ZSWIM5: variants seen among roughly 807,000 people sequenced by gnomAD.
ZSWIM5 encodes zinc finger SWIM-type containing 5.
ZSWIM5 carries 55 observed loss-of-function variants against 119.6 expected under a neutral mutation model. The observed-to-expected ratio is 0.46, with a 90% confidence interval of 0.37 to 0.58. The LOEUF (loss-of-function observed/expected upper bound fraction) is 0.58. Among genes scored for constraint, ZSWIM5 ranks in the 20% least tolerant of loss-of-function variants. ZSWIM5 has a pLI of 0.00. For synonymous variants in ZSWIM5, 537 were observed against 606.9 expected (o/e 0.88, Z 1.69); for missense variants, 1,193 against 1,512.8 (o/e 0.79, Z 3.51).
rs1553204386 is a variant in ZSWIM5 at position 45,205,950 on chromosome 1, G to A, written c.401C>T (p.Pro134Leu). The part of the protein sequence containing the change: ...GAAGGAAGAS[P>L]AEEGPQPPPG... ...GGGTGGCTGCGGCCCCTCCTCGGCC[G>A]GCGAAGCCCCCGCGGCGCCGCCAGC... The change falls in exon 1 of 14, where the codon CCG becomes CTG. Residue 134 changes from proline to leucine, a missense_variant. Physicochemically the swap from Pro to Leu is moderately conservative, Grantham distance 98 (BLOSUM62 -3). Coordinates refer to ENST00000359600, the MANE Select transcript of ZSWIM5 (RefSeq NM_020883.2). 11 of 1,277,922 alleles carry A rather than the reference G, an allele frequency of 8.6e-6. No homozygotes were observed. Among genetic ancestry groups the A allele is most frequent in the Non-Finnish European group, 1.1e-5 (11 of 1,011,220 alleles). The allele number at this position is 1,277,922 out of a possible 1,614,324, so 79.2% of individuals were successfully genotyped here. A position where few individuals can be genotyped will look rare whatever the true frequency, so the allele number is the denominator to read the frequency against.
chr1:45,121,584 A>G (rs2149027717), intron 1 of ZSWIM5, among the ~76,000 whole-genome samples: 1 of 140,944 alleles, frequency 7.1e-6, no homozygotes, highest in Non-Finnish European at 1.5e-5. Context: ...ATAGATAGGA[A>G]TCTTTTTTTT....
intron 1 of ZSWIM5, among the ~76,000 whole-genome samples, chr1:45,142,197 T>C (rs1193259830): frequency 6.6e-6 from 1 of 152,114 alleles, no homozygotes; most frequent in African/African-American, 2.4e-5. Flanking sequence ...GGTGACAAAG[T>C]GAGGCCCTGT....
At chr1:45,132,193 A>G (rs1645661505) in intron 1 of ZSWIM5, among the ~76,000 whole-genome samples, 1 of 151,982 alleles carries the variant, frequency 6.6e-6, no homozygotes, top group Non-Finnish European at 1.5e-5. Context: ...CATGTTGTAT[A>G]CATTAAATTT....
rs1644876303 is a variant in ZSWIM5 at position 45,019,878 on chromosome 1, G to T, written c.2695+188C>A. 1.3e-5 allele frequency among the ~76,000 whole-genome samples: 2 copies of T among 152,202 alleles called. No individual in the cohort carries two copies. Among genetic ancestry groups the T allele is most frequent in the African/African-American group, 4.8e-5 (2 of 41,444 alleles). On this transcript the variant is annotated intron_variant, in intron 13 of 13. Coordinates refer to ENST00000359600, the MANE Select transcript of ZSWIM5 (RefSeq NM_020883.2). The surrounding 1 kb of genome is among the most constrained non-coding windows in gnomAD (Gnocchi z 5.0). ...ATCAGGATATGGTTCAAGCAGTGAA[G>T]ACAGGGCTTGGGCTGGCTGAACAGA...
chr1:45,058,733 A>G lies in ZSWIM5; in HGVS notation c.1128T>C (p.Asp376=). ...AKVREMLRMR[D]SNGARMLTLI... ...GTGTCAGCATCCTTGCTCCATTGGAATCTCTCATCCGCAGCATTTCTCGAA... is the reference window on the plus strand; with the variant it reads ...GTGTCAGCATCCTTGCTCCATTGGAGTCTCTCATCCGCAGCATTTCTCGAA... Residue 376 remains aspartate (D), a synonymous_variant, in exon 4 of 14, where the codon GAT becomes GAC. Transcript: ENST00000359600. 6.2e-7 allele frequency: 1 copy of G among 1,614,214 alleles called. No individual in the cohort carries two copies. The highest frequency in any genetic ancestry group is 8.5e-7 in the Non-Finnish European group (1 of 1,180,034).
intron 2 of ZSWIM5, among the ~76,000 whole-genome samples, chr1:45,068,540 A>G (rs572822723): frequency 5.3e-5 from 8 of 151,474 alleles, no homozygotes; most frequent in African/African-American, 1.9e-4. Context: ...GTCTTTTCCT[A>G]CTCAAGAAAT....
intron 1 of ZSWIM5, among the ~76,000 whole-genome samples, chr1:45,131,488 C>T (rs1169611192): frequency 1.3e-5 from 2 of 152,012 alleles, no homozygotes; most frequent in African/African-American, 4.8e-5. Context: ...CTTTGGGAGG[C>T]TGAGGTGGGT....
At chr1:45,140,616 A>T (rs1208646141) in intron 1 of ZSWIM5, among the ~76,000 whole-genome samples, 1 of 152,200 alleles carries the variant, frequency 6.6e-6, no homozygotes, top group Non-Finnish European at 1.5e-5. Flanking sequence ...ACAGCCCAAT[A>T]AAAAAGGCAG....
In ZSWIM5 at chr1:45,020,067, C is replaced by T; in HGVS notation, c.2694G>A (p.Val898=). ...GGTAGAGGGAGGTGGGAGACTCACC[C>T]ACTTCTGTAGCACAGGTCACCAACC... ...VRWLVTCATE[V]GVRALVSILQ... is the part of the protein sequence containing the mutation. The change falls in exon 13 of 14, where the codon GTG becomes GTA. Residue 898 remains valine (V), a splice_region_variant and synonymous_variant. Transcript: ENST00000359600. 6.2e-7 allele frequency: 1 copy of T among 1,612,414 alleles called. No individual in the cohort carries two copies.
intron 2 of ZSWIM5, chr1:45,070,048 C>T (rs1557755654): frequency 1.9e-5 from 16 of 833,950 alleles, no homozygotes; most frequent in East Asian, 9.7e-5. Context: ...CTCAATAAGA[C>T]ACACACGAAT....
intron 11 of ZSWIM5, among the ~76,000 whole-genome samples, chr1:45,028,994 G>C (rs1307713266): frequency 6.6e-6 from 1 of 152,148 alleles, no homozygotes; most frequent in Non-Finnish European, 1.5e-5. Flanking sequence ...GAATAGAACA[G>C]AGATGTTTTT....
At chr1:45,169,145 T>C (rs1645929248) in intron 1 of ZSWIM5, among the ~76,000 whole-genome samples, 2 of 151,954 alleles carry the variant, frequency 1.3e-5, no homozygotes, top group African/African-American at 2.4e-5. Context: ...TACGTTCTTT[T>C]ACACTTCCAA....
chr1:45,201,768 G>A (rs2997400), intron 1 of ZSWIM5, among the ~76,000 whole-genome samples: 24,266 of 151,922 alleles, frequency 0.16, 2,595 homozygotes, highest in African/African-American at 0.3. Flanking sequence ...ATCACCATTC[G>A]TCACACAAAA....
Position 45,101,621 on chromosome 1 carries a change from G to C in ZSWIM5, c.596-13384C>G, listed in dbSNP as rs1645440110. The stretch of plus-strand genomic sequence containing the variant: ...GTTTACTGCAACACTATTCACAATA[G>C]CAAAGACTTGGAACCAACCCAAATA... On this transcript the variant is annotated intron_variant, in intron 1 of 13. Transcript: ENST00000359600. Among the ~76,000 whole-genome samples the C allele has an allele frequency of 3.3e-5, 5 of 152,118 alleles. No individual in the cohort carries two copies. The South Asian group carries it at 1.0e-3, about 32-fold the overall frequency.
Position 45,058,644 on chromosome 1 carries a change from A to G in ZSWIM5, c.1217T>C (p.Met406Thr). 1 of 1,614,222 alleles carries G rather than the reference A, an allele frequency of 6.2e-7. No individual in the cohort carries two copies. Among genetic ancestry groups the G allele is most frequent in the South Asian group, 1.1e-5 (1 of 91,084 alleles). Residue 406 changes from methionine (M) to threonine (T), a missense_variant, in exon 4 of 14, where the codon ATG (methionine) becomes ACG (threonine). Coordinates refer to ENST00000359600, the MANE Select transcript of ZSWIM5 (RefSeq NM_020883.2). The stretch of plus-strand genomic sequence containing the variant: ...CCAGAGCTGCCTGCACTTGTCTGTC[A>G]TGTTTGTTCCTTGCTGCCTCCAGAG... ...LTLWRQQGTN[M>T]TDKCRQLWDE...
At chr1:45,182,475 C>T (rs1371084907) in intron 1 of ZSWIM5, among the ~76,000 whole-genome samples, 1 of 151,376 alleles carries the variant, frequency 6.6e-6, no homozygotes, top group Non-Finnish European at 1.5e-5. Flanking sequence ...AGAGTCAAGA[C>T]CCATCAGTGT....
In ZSWIM5 at chr1:45,087,908, A is replaced by G; in HGVS notation, c.925T>C (p.Ser309Pro). The change falls in exon 2 of 14, where the codon TCC becomes CCC. Residue 309 changes from serine (S) to proline (P), a missense_variant. This residue lies in a region of ZSWIM5 where 961 missense variants were observed against 1,290.0 expected (regional missense o/e 0.74). Transcript: ENST00000359600. ...AQKLADEILS[S>P]NSEINQVNGA... ...TTCACTTGGTTGATTTCTGAGTTGG[A>G]GGATAGAATCTCATCTGCCAGTTTC... is the stretch of plus-strand genomic sequence containing the variant. The G allele has an allele frequency of 6.2e-7, 1 of 1,609,686 alleles. No homozygotes were observed. Among genetic ancestry groups the G allele is most frequent in the Non-Finnish European group, 8.5e-7 (1 of 1,177,652 alleles).
chr1:45,154,462 C>T (rs346722), intron 1 of ZSWIM5, among the ~76,000 whole-genome samples: 18,401 of 152,072 alleles, frequency 0.12, 1,370 homozygotes, highest in Admixed American at 0.24. Context: ...AACTAATCTT[C>T]GACGAAACAA....
rs532726056 is a variant in ZSWIM5, at chr1:45,157,259, C to T, written c.595+48497G>A. On this transcript the variant is annotated intron_variant, in intron 1 of 13. Transcript: ENST00000359600. ...ACACAATCTTGGCTCACTGCAGCCT[C>T]GACCTCCTGGGCTCAGGTGATCCTC... Among the ~76,000 whole-genome samples the T allele has an allele frequency of 2.6e-5, 4 of 152,212 alleles. No homozygotes were observed. The South Asian group carries it at 8.3e-4, about 32-fold the overall frequency.
Sources: allele counts gnomAD v4.1 joint callset (sites outside exome capture counted in the v4.1 genomes callset), GRCh38; gene constraint gnomAD v4.1.1; regional missense constraint gnomAD v4.1.1; non-coding constraint Gnocchi (gnomAD v3.1); transcripts MANE v1.5; gene names NCBI Gene and HGNC (gene_info 2026-07-23, HGNC 2026-07-21).